Variants in TCF20 observed in about 807,000 individuals in gnomAD.
TCF20 encodes the protein SPRE-binding protein.
In TCF20, 3 loss-of-function variants were observed where a neutral mutation model predicts 148.6. The observed-to-expected ratio is 0.02, with a 90% CI of 0.01 to 0.05. TCF20 has a LOEUF of 0.05. Among genes scored for constraint, TCF20 ranks in the 10% least tolerant of loss-of-function variants. The pLI, the probability that TCF20 is intolerant of heterozygous loss-of-function variation, is 1.00. For synonymous variants in TCF20, 1,049 were observed against 909.5 expected (o/e 1.15, Z -2.76); for missense variants, 2,350 against 2,429.3 (o/e 0.97, Z 0.69).
chr22:42,323,958 G>A (rs1927800855), intron 1 of TCF20, among the ~76,000 whole-genome samples: 1 of 114,146 alleles, frequency 8.8e-6, no homozygotes, highest in East Asian at 2.5e-4. Flanking sequence ...AGGTTATGGT[G>A]GTGGTGGTGA....
At chr22:42,263,787 A>C (rs959731884) in intron 1 of TCF20, among the ~76,000 whole-genome samples, 1 of 152,144 alleles carries the variant, frequency 6.6e-6, no homozygotes, top group African/African-American at 2.4e-5. Context: ...GCTTTTTCCT[A>C]AGCGAGTACA....
chr22:42,285,807 C>A (rs1287816082), upstream of TCF20, among the ~76,000 whole-genome samples: 4 of 152,088 alleles, frequency 2.6e-5, no homozygotes, highest in South Asian at 8.3e-4. The surrounding 1 kb of genome is among the most constrained non-coding windows in gnomAD (Gnocchi z 4.2). Context: ...TGCCTCTGGG[C>A]CTTTGCACAT....
At chr22:42,306,238 T>C (rs748879530) in intron 1 of TCF20, among the ~76,000 whole-genome samples, 2 of 152,214 alleles carry the variant, frequency 1.3e-5, no homozygotes, top group Non-Finnish European at 1.5e-5. Flanking sequence ...GAGAAATTAA[T>C]GAAAGGCAGA....
intron 1 of TCF20, among the ~76,000 whole-genome samples, chr22:42,277,397 TAAG>T (rs1238901886): frequency 6.6e-6 from 1 of 152,088 alleles, no homozygotes; most frequent in Non-Finnish European, 1.5e-5. Flanking sequence ...TACAAATTAG[TAAG>T]AAAGTGTGGC....
At chr22:42,185,114 T>C (rs546598991) in intron 2 of TCF20, among the ~76,000 whole-genome samples, 5 of 152,258 alleles carry the variant, frequency 3.3e-5, no homozygotes, top group Admixed American at 6.5e-5. Context: ...ATCATCATCC[T>C]GTTTAATTAG....
At chr22:42,170,019 G>T in intron 3 of TCF20, 123 bp from the exon 4 acceptor site, 1 of 842,940 alleles carries the variant, frequency 1.2e-6, no homozygotes, top group Non-Finnish European at 1.9e-6. Flanking sequence ...CTTCTAATAG[G>T]AAAACATTAG....
rs1926855680 is a variant in TCF20 at position 42,279,583 on chromosome 22, CA to C, written c.-37+4243del. Among the ~76,000 whole-genome samples the C allele has an allele frequency of 6.6e-6, 1 of 152,220 alleles. No individual in the cohort carries two copies. Among genetic ancestry groups the C allele is most frequent in the Non-Finnish European group, 1.5e-5 (1 of 68,034 alleles). ...ACCCGTAGAACAGGGACATTAACATCACCCCCGAGTGAGGGCTGCAGGCACA... is the reference window on the plus strand; with the variant it reads ...ACCCGTAGAACAGGGACATTAACATCCCCCCGAGTGAGGGCTGCAGGCACA... On this transcript the variant is annotated intron_variant, in intron 1 of 5. Transcript: ENST00000359486. This position sits in a 1 kb window ranked among gnomAD's most constrained non-coding sequence, Gnocchi z 4.3.
chr22:42,194,271 A>G (rs1224481893), intron 2 of TCF20, among the ~76,000 whole-genome samples: 1 of 152,194 alleles, frequency 6.6e-6, no homozygotes, highest in Non-Finnish European at 1.5e-5. Context: ...AAAGGTGGGA[A>G]GGGATGAGGT....
At position 42,204,336 on chromosome 22, in the gene TCF20, A is replaced by C. The variant is rs192125135; in HGVS notation, c.5655+5315T>G. Among the ~76,000 whole-genome samples the C allele has an allele frequency of 1.1e-4, 16 of 152,268 alleles. No homozygotes were observed. The East Asian group carries it at 2.3e-3, about 22-fold the overall frequency. ...ATCCTCAAATCCCGTCTCTACTAAA[A>C]ATACAAAAATTAGCTGGGTGTGGTG... On this transcript the variant is annotated intron_variant, in intron 2 of 5. Coordinates refer to ENST00000677622, the MANE Select transcript of TCF20 (RefSeq NM_001378418.1).
At chr22:42,191,364 A>G (rs556934301) in intron 2 of TCF20, among the ~76,000 whole-genome samples, 9 of 152,160 alleles carry the variant, frequency 5.9e-5, no homozygotes, top group Non-Finnish European at 1.3e-4. Flanking sequence ...ATCTTGGCTC[A>G]CTGAAACCTC....
At position 42,215,121 on chromosome 22, in the gene TCF20, GCTC is replaced by G. The variant is rs1310698355; in HGVS notation, c.182_184del (p.Gly61del). 2.5e-6 allele frequency: 4 copies of G among 1,614,110 alleles called. No homozygotes were observed. The East Asian group carries it at 8.9e-5, about 36-fold the overall frequency. On this transcript the variant is annotated inframe_deletion, in exon 2 of 6. Coordinates refer to ENST00000677622, the MANE Select transcript of TCF20 (RefSeq NM_001378418.1). ...AGCCATCGCTGCCGCAGCAGCTGCT[GCTC>G]CTCGTCGTCCACCACCACTGCCACT...
rs553582282 is a variant in TCF20, at chr22:42,204,942, G to A, written c.5655+4709C>T. Reference sequence around the variant, plus strand: ...ATTAAAAGTTTCCCAAGGGGGGTTGGAAAAATTTGGGAGGGGCACCTTCTA... The same window carrying A: ...ATTAAAAGTTTCCCAAGGGGGGTTGAAAAAATTTGGGAGGGGCACCTTCTA... On this transcript the variant is annotated intron_variant, in intron 2 of 5. Coordinates refer to ENST00000677622, the MANE Select transcript of TCF20 (RefSeq NM_001378418.1). Among the ~76,000 whole-genome samples the A allele has an allele frequency of 2.6e-5, 4 of 152,254 alleles. No individual in the cohort carries two copies. The East Asian group carries it at 7.7e-4, about 29-fold the overall frequency.
In TCF20 at chr22:42,321,532, C is replaced by T. The variant is rs555416236; in HGVS notation, c.-37+21947G>A. Reference sequence around the variant, plus strand: ...GTCCTCTCTTCAACAAAATGGACTCCTTTTTACAATTACCATTATAATTCC... The same window carrying T: ...GTCCTCTCTTCAACAAAATGGACTCTTTTTTACAATTACCATTATAATTCC... On this transcript the variant is annotated intron_variant, in intron 1 of 1. Coordinates refer to the TCF20 transcript ENST00000515426. 3.3e-5 allele frequency among the ~76,000 whole-genome samples: 5 copies of T among 151,840 alleles called. No homozygotes were observed. The South Asian group carries it at 8.3e-4, about 25-fold the overall frequency.
intron 1 of TCF20, among the ~76,000 whole-genome samples, chr22:42,342,141 C>A (rs976705626): frequency 3.3e-5 from 5 of 152,038 alleles, no homozygotes; most frequent in African/African-American, 1.2e-4. Flanking sequence ...AGGAGGTTGG[C>A]CTAGTTTAGG....
At chr22:42,163,712 C>T (rs531553179) in intron 5 of TCF20, among the ~76,000 whole-genome samples, 10 of 152,248 alleles carry the variant, frequency 6.6e-5, no homozygotes, top group South Asian at 2.1e-4. Flanking sequence ...GCTGGGTCCC[C>T]GACAGTGAGC....
chr22:42,214,892 C>T lies in TCF20; in HGVS notation c.414G>A (p.Gln138=). ...NQYGSEGHVG[Q]FQAQHSGLGG... The stretch of plus-strand genomic sequence containing the variant: ...CAAGGCCAGAGTGCTGTGCTTGAAA[C>T]TGGCCCACATGACCCTCACTCCCAT... Residue 138 remains glutamine (Q), a synonymous_variant, in exon 2 of 6, where the codon CAG becomes CAA. Coordinates refer to ENST00000677622, the MANE Select transcript of TCF20 (RefSeq NM_001378418.1). The T allele has an allele frequency of 6.2e-7, 1 of 1,614,226 alleles. No homozygotes were observed. Among genetic ancestry groups the T allele is most frequent in the Admixed American group, 1.7e-5 (1 of 60,036 alleles).
intron 1 of TCF20, among the ~76,000 whole-genome samples, chr22:42,319,861 T>C (rs1773007302): frequency 6.6e-6 from 1 of 152,122 alleles, no homozygotes; most frequent in African/African-American, 2.4e-5. Context: ...CGCAGCTGTG[T>C]CACTGGATCC....
At chr22:42,208,963 T>C (rs1938583297) in intron 2 of TCF20, among the ~76,000 whole-genome samples, 2 of 152,134 alleles carry the variant, frequency 1.3e-5, no homozygotes, top group Admixed American at 6.6e-5. Flanking sequence ...TCCTCAAACT[T>C]TCCAGAAGAA....
At position 42,332,494 on chromosome 22, in the gene TCF20, A is replaced by AATTT. The variant is rs1468773456; in HGVS notation, c.-37+10981_-37+10984dup. On this transcript the variant is annotated intron_variant, in intron 1 of 1. Transcript: ENST00000515426. ...GGAGAGTTCAAATACCAGTTCAGCC[A>AATTT]ATTTCTTTCTTTCTTTCTTTTTTTG... Among the ~76,000 whole-genome samples the AATTT allele has an allele frequency of 2.6e-5, 4 of 152,082 alleles. No homozygotes were observed. The East Asian group carries it at 7.7e-4, about 29-fold the overall frequency.
Sources: allele counts gnomAD v4.1 joint callset (sites outside exome capture counted in the v4.1 genomes callset), GRCh38; gene constraint gnomAD v4.1.1; non-coding constraint Gnocchi (gnomAD v3.1); transcripts MANE v1.5; gene names NCBI Gene and HGNC (gene_info 2026-07-23, HGNC 2026-07-21).